Variants in TSHR observed in about 807,000 individuals in gnomAD.
TSHR encodes thyroid stimulating hormone receptor.
A neutral mutation model predicts 64.1 loss-of-function variants in TSHR; 51 were observed. The observed-to-expected ratio is 0.80, with a 90% confidence interval of 0.64 to 1.01. The LOEUF (loss-of-function observed/expected upper bound fraction) is 1.01, where lower values mean the gene tolerates loss of function less well. Ranked by LOEUF, TSHR falls within the 50% of genes least tolerant of loss-of-function variation. The pLI, the probability that TSHR is intolerant of heterozygous loss-of-function variation, is 0.00. For synonymous variants in TSHR, 361 were observed against 361.9 expected, an observed-to-expected ratio of 1.00 and a Z score of 0.03; for missense variants, 877 against 942.8, an observed-to-expected ratio of 0.93 and a Z score of 0.91.
At position 81,143,480 on chromosome 14, in the gene TSHR, C is replaced by A; in HGVS notation, c.1422C>A (p.Asp474Glu). ...ACCTGCTCCTCATCGCCTCTGTAGA[C>A]CTCTACACTCACTCTGAGTACTACA... ...GMYLLLIASVDLYTHSEYYNH... is the reference protein window; with the variant it reads ...GMYLLLIASVELYTHSEYYNH... The change falls in exon 10 of 10, where the codon GAC becomes GAA. Residue 474 changes from aspartate (D) to glutamate (E), a missense_variant. Physicochemically the swap from Asp to Glu is conservative, Grantham distance 45. Coordinates refer to ENST00000298171, the MANE Select transcript of TSHR (RefSeq NM_000369.5). 1.1e-5 allele frequency: 17 copies of A among 1,614,114 alleles called. No homozygotes were observed. Among genetic ancestry groups the A allele is most frequent in the Non-Finnish European group, 1.4e-5 (17 of 1,180,032 alleles).
At position 81,087,978 on chromosome 14, in the gene TSHR, A is replaced by C; in HGVS notation, c.342A>C (p.Leu114Phe). 1 of 1,613,934 alleles carries C rather than the reference A, an allele frequency of 6.2e-7. No individual in the cohort carries two copies. The highest frequency in any genetic ancestry group is 8.5e-7 in the Non-Finnish European group (1 of 1,179,798). Residue 114 changes from leucine (L) to phenylalanine (F), a missense_variant, in exon 4 of 10, where the codon TTA becomes TTC. By Grantham distance (22) the Leu-to-Phe change is conservative. Coordinates refer to ENST00000298171, the MANE Select transcript of TSHR (RefSeq NM_000369.5). ...THIEIRNTRN[L>F]TYIDPDALKE... ...GAGAAATTCGGAATACCAGGAACTT[A>C]ACTTACATAGACCCTGATGCCCTCA... is the stretch of plus-strand genomic sequence containing the variant.
At position 81,076,069 on chromosome 14, in the gene TSHR, C is replaced by G. The variant is rs1306037116; in HGVS notation, c.317+7741C>G. Among the ~76,000 whole-genome samples the G allele has an allele frequency of 2.6e-5, 4 of 152,314 alleles. No individual in the cohort carries two copies. In the East Asian group the frequency reaches 7.7e-4, roughly 29 times the overall value. ...AACAAAAAACCAAACACCGCATATTCTCACTCATAGGTGGGAATTGAACAA... is the reference window on the plus strand; with the variant it reads ...AACAAAAAACCAAACACCGCATATTGTCACTCATAGGTGGGAATTGAACAA... On this transcript the variant is annotated intron_variant, in intron 3 of 9. Transcript: ENST00000298171.
intron 1 of TSHR, among the ~76,000 whole-genome samples, chr14:81,002,242 G>A (rs1290069966): frequency 6.6e-6 from 1 of 152,030 alleles, no homozygotes; most frequent in East Asian, 1.9e-4. Flanking sequence ...AAAGTTTCTG[G>A]GTAAGGGATT....
chr14:81,007,886 G>T (rs547279252), intron 1 of TSHR, among the ~76,000 whole-genome samples: 1 of 152,138 alleles, frequency 6.6e-6, no homozygotes, highest in African/African-American at 2.4e-5. Context: ...CCGTCTTAGC[G>T]TTCTTTCTGA....
chr14:81,078,544 G>T lies in TSHR; in HGVS notation c.318-9410G>T, dbSNP rs1276814748. 5.3e-5 allele frequency among the ~76,000 whole-genome samples: 8 copies of T among 152,010 alleles called. No homozygotes were observed. In the East Asian group the frequency reaches 9.6e-4, roughly 18 times the overall value. ...GTTTGCCGAACTTCGTGGATTTATG[G>T]GTTGCTGGTTTTGTTAAATTTGGAC... is the stretch of plus-strand genomic sequence containing the variant. On this transcript the variant is annotated intron_variant, in intron 3 of 9. Coordinates refer to ENST00000298171, the MANE Select transcript of TSHR (RefSeq NM_000369.5).
At chr14:81,058,914 T>C (rs1328940607) in intron 1 of TSHR, among the ~76,000 whole-genome samples, 26 of 152,072 alleles carry the variant, frequency 1.7e-4, no homozygotes, top group Admixed American at 1.7e-3. Flanking sequence ...AGGTAGATAA[T>C]AGAAAGAACA....
intron 6 of TSHR, among the ~76,000 whole-genome samples, chr14:81,094,679 A>AT (rs1162262371): frequency 0.67 from 50,906 of 75,634 alleles, 18,813 homozygotes; most frequent in South Asian, 0.81. Flanking sequence ...TATTTTTTTA[A>AT]TTTTTTTTTT....
intron 1 of TSHR, among the ~76,000 whole-genome samples, chr14:80,980,184 CT>C (rs1488576516): frequency 6.6e-6 from 1 of 152,168 alleles, no homozygotes; most frequent in Non-Finnish European, 1.5e-5. Context: ...CTCTGCTGCT[CT>C]TATTGCTTGC....
intron 8 of TSHR, among the ~76,000 whole-genome samples, chr14:81,122,020 CTTTTTTTTTTTTTTTTTTTTTTTT>C (rs1161879777): frequency 2.9e-4 from 13 of 44,904 alleles, no homozygotes; most frequent in South Asian, 9.6e-4. Flanking sequence ...TTTTCTTTTC[CTTTTTTTTTTTTTTTTTTTTTTTT>C]TTTTTTTTTT....
intron 1 of TSHR, among the ~76,000 whole-genome samples, chr14:81,040,004 C>A (rs1468605824): frequency 6.6e-6 from 1 of 151,882 alleles, no homozygotes; most frequent in Non-Finnish European, 1.5e-5. Context: ...TCTTGAATAT[C>A]CAAAGCAATT....
intron 7 of TSHR, chr14:81,104,217 A>T: frequency 1.0e-6 from 1 of 985,422 alleles, no homozygotes; most frequent in Non-Finnish European, 1.2e-6. Context: ...CCATAGAGCA[A>T]TCCAGCTTCT....
At chr14:81,068,509 A>T (rs1886826449) in intron 3 of TSHR, 181 bp downstream of exon 3, 1 of 608,058 alleles carries the variant, frequency 1.6e-6, no homozygotes, top group African/African-American at 1.8e-5. Flanking sequence ...ATTACACCTC[A>T]ATTCCATGGT....
At chr14:81,007,632 A>T (rs1889671503) in intron 1 of TSHR, among the ~76,000 whole-genome samples, 1 of 152,204 alleles carries the variant, frequency 6.6e-6, no homozygotes, top group African/African-American at 2.4e-5. Context: ...AGGTTTCTCC[A>T]CTTTCTCCCA....
intron 1 of TSHR, chr14:81,049,598 T>C (rs561409469): frequency 6.6e-6 from 1 of 152,284 alleles, no homozygotes; most frequent in African/African-American, 2.4e-5. Flanking sequence ...GTTTTTTTCT[T>C]TTATTTACAT....
At chr14:81,054,707 G>T (rs963531994) in intron 1 of TSHR, among the ~76,000 whole-genome samples, 1 of 152,146 alleles carries the variant, frequency 6.6e-6, no homozygotes, top group East Asian at 1.9e-4. Context: ...GTGGAACTTT[G>T]AACTTGAGAG....
At chr14:81,079,761 C>T (rs111688226) in intron 3 of TSHR, among the ~76,000 whole-genome samples, 4 of 150,316 alleles carry the variant, frequency 2.7e-5, no homozygotes, top group African/African-American at 7.3e-5. Context: ...GAAGTTGAGG[C>T]GGGAGGATCA....
chr14:81,020,275 A>C (rs1461300213), intron 1 of TSHR, among the ~76,000 whole-genome samples: 1 of 152,226 alleles, frequency 6.6e-6, no homozygotes, highest in Non-Finnish European at 1.5e-5. Flanking sequence ...CTTTTAGAAC[A>C]GGAGTCCCCA....
At chr14:80,974,252 T>G (rs1887752789) in intron 1 of TSHR, among the ~76,000 whole-genome samples, 1 of 152,218 alleles carries the variant, frequency 6.6e-6, no homozygotes, top group African/African-American at 2.4e-5. Context: ...GCATCAGGGT[T>G]GCACAGCTTT....
chr14:81,087,369 T>C (rs1888360765), intron 3 of TSHR: 1 of 157,782 alleles, frequency 6.3e-6, no homozygotes, highest in Admixed American at 6.1e-5. Flanking sequence ...TAAACCTAAG[T>C]ATGTAAGTTA....
Sources: allele counts gnomAD v4.1 joint callset (sites outside exome capture counted in the v4.1 genomes callset), GRCh38; gene constraint gnomAD v4.1.1; transcripts MANE v1.5; gene names NCBI Gene and HGNC (gene_info 2026-07-23, HGNC 2026-07-21).